ATP6V0E1: variants seen among roughly 807,000 people sequenced by gnomAD.
The protein encoded by ATP6V0E1 is V-type proton ATPase subunit e 1.
Under a neutral mutation model 11.6 loss-of-function variants are expected in ATP6V0E1, and 4 were observed. The observed-to-expected ratio is 0.35, with a 90% CI of 0.17 to 0.79. The LOEUF (loss-of-function observed/expected upper bound fraction) is 0.79. Among genes scored for constraint, ATP6V0E1 ranks in the 30% least tolerant of loss-of-function variants. The pLI, the probability that ATP6V0E1 is intolerant of heterozygous loss-of-function variation, is 0.54. For missense variants in ATP6V0E1, 105 were observed against 100.0 expected (o/e 1.05, Z -0.21); for synonymous variants, 36 against 34.8 (o/e 1.04, Z -0.13).
chr5:173,002,058 C>T (rs1381170954), intron 2 of ATP6V0E1, among the ~76,000 whole-genome samples: 1 of 152,150 alleles, frequency 6.6e-6, no homozygotes, highest in Non-Finnish European at 1.5e-5. Context: ...CATTTGCTTA[C>T]CACCCACCTT....
rs576379575 is a variant in ATP6V0E1 at position 173,007,302 on chromosome 5, G to A, written c.152+12480G>A. On this transcript the variant is annotated intron_variant, in intron 2 of 3. Transcript: ENST00000519374. ...GTTTATGACTTCTAATCTGAAGCTTGGCCTCCTCTTCCAAGCTCTCGTGGC... is the reference window on the plus strand; with the variant it reads ...GTTTATGACTTCTAATCTGAAGCTTAGCCTCCTCTTCCAAGCTCTCGTGGC... Among the ~76,000 whole-genome samples the A allele has an allele frequency of 2.6e-5, 4 of 152,234 alleles. No homozygotes were observed. In the South Asian group the frequency reaches 8.3e-4, roughly 32 times the overall value.
intron 2 of ATP6V0E1, among the ~76,000 whole-genome samples, chr5:173,018,935 T>G (rs1756441088): frequency 6.6e-6 from 1 of 152,150 alleles, no homozygotes; most frequent in Non-Finnish European, 1.5e-5. Context: ...TAAGAAAATT[T>G]TAAAGATAAA....
chr5:172,994,620 C>G (rs60940868), intron 1 of ATP6V0E1, among the ~76,000 whole-genome samples, 155 bp from the exon 2 acceptor site: 5 of 152,062 alleles, frequency 3.3e-5, no homozygotes, highest in South Asian at 4.1e-4. Context: ...CTGGGCACAC[C>G]GCAGTTTGCT....
At chr5:173,012,566 A>T (rs1210169402) in intron 2 of ATP6V0E1, among the ~76,000 whole-genome samples, 1 of 151,804 alleles carries the variant, frequency 6.6e-6, no homozygotes, top group Non-Finnish European at 1.5e-5. Context: ...CAGCCTGACC[A>T]ATACGCAGAA....
intron 2 of ATP6V0E1, among the ~76,000 whole-genome samples, chr5:173,000,756 A>G (rs1289185542): frequency 6.7e-6 from 1 of 148,566 alleles, no homozygotes; most frequent in African/African-American, 2.5e-5. Context: ...GCTGGAGTGC[A>G]GTGGCGAGAT....
intron 2 of ATP6V0E1, among the ~76,000 whole-genome samples, chr5:173,018,611 C>T (rs541602684): frequency 2.6e-5 from 4 of 151,920 alleles, no homozygotes; most frequent in Admixed American, 2.0e-4. Context: ...CGAAATAATG[C>T]CCCGTCAAGC....
intron 2 of ATP6V0E1, among the ~76,000 whole-genome samples, chr5:172,995,535 T>C (rs1201283184): frequency 6.6e-6 from 1 of 152,264 alleles, no homozygotes; most frequent in Non-Finnish European, 1.5e-5. Context: ...CCAAGTAGAC[T>C]AAGGATAATT....
rs1487664185 is a variant in ATP6V0E1, at chr5:173,034,404, G to A, written c.*42G>A. On this transcript the variant is annotated 3_prime_UTR_variant, in exon 4 of 4. Coordinates refer to ENST00000519374, the MANE Select transcript of ATP6V0E1 (RefSeq NM_003945.4). ...AGAATGGTTTTGTTTTGCAGGTCAC[G>A]AGAAGAGAATGCCTTCTAGATGCAA... 7.1e-6 allele frequency: 5 copies of A among 702,874 alleles called. No homozygotes were observed. The highest frequency in any genetic ancestry group is 5.2e-5 in the African/African-American group (3 of 57,268). 43.5% of individuals were successfully genotyped at this position (702,874 alleles called of 1,614,324 possible). A position where few individuals can be genotyped will look rare whatever the true frequency, so the allele number is the denominator to read the frequency against.
intron 2 of ATP6V0E1, among the ~76,000 whole-genome samples, chr5:173,015,673 T>A (rs1172759096): frequency 6.6e-6 from 1 of 152,196 alleles, no homozygotes; most frequent in East Asian, 1.9e-4. Flanking sequence ...ATGAGAACTT[T>A]GTGCCCCTTT....
intron 2 of ATP6V0E1, among the ~76,000 whole-genome samples, chr5:172,995,967 T>G (rs1756059202): frequency 6.6e-6 from 1 of 152,184 alleles, no homozygotes; most frequent in Non-Finnish European, 1.5e-5. Context: ...GAAGAGAACT[T>G]TCTAGCTTCC....
intron 3 of ATP6V0E1, among the ~76,000 whole-genome samples, chr5:173,030,329 T>G (rs1756629842): frequency 6.6e-6 from 1 of 152,130 alleles, no homozygotes; most frequent in African/African-American, 2.4e-5. Context: ...TTTAAACAGA[T>G]AAAAATTAAG....
intron 2 of ATP6V0E1, among the ~76,000 whole-genome samples, chr5:173,013,332 T>A (rs1486194306): frequency 6.6e-6 from 1 of 152,032 alleles, no homozygotes; most frequent in Non-Finnish European, 1.5e-5. Flanking sequence ...TCCCAGCACT[T>A]TGGGAGGCCG....
chr5:173,032,773 G>A (rs924856398), intron 3 of ATP6V0E1, among the ~76,000 whole-genome samples: 2 of 152,136 alleles, frequency 1.3e-5, no homozygotes, highest in Non-Finnish European at 2.9e-5. Flanking sequence ...CAAACCATAT[G>A]TATTCACTAC....
At chr5:173,019,246 C>G (rs1340119044) in intron 2 of ATP6V0E1, among the ~76,000 whole-genome samples, 1 of 152,200 alleles carries the variant, frequency 6.6e-6, no homozygotes, top group Non-Finnish European at 1.5e-5. Flanking sequence ...CCGCACCCAA[C>G]CTGTTTTTCA....
intron 2 of ATP6V0E1, among the ~76,000 whole-genome samples, chr5:173,019,604 T>G (rs1756451181): frequency 6.6e-6 from 1 of 152,160 alleles, no homozygotes; most frequent in African/African-American, 2.4e-5. Flanking sequence ...ACTTCCTTTA[T>G]AGTTTAGTCT....
intron 2 of ATP6V0E1, among the ~76,000 whole-genome samples, chr5:173,009,679 TCTCC>T (rs1022681382): frequency 4.6e-5 from 7 of 151,102 alleles, no homozygotes; most frequent in Non-Finnish European, 8.8e-5. Context: ...GCCAAGCTGG[TCTCC>T]CAACTCCTGA....
intron 3 of ATP6V0E1, among the ~76,000 whole-genome samples, chr5:173,027,517 T>C (rs961670890): frequency 1.3e-5 from 2 of 151,074 alleles, no homozygotes; most frequent in Admixed American, 6.6e-5. Context: ...AAAAAAATAG[T>C]GTATGAGTTT....
intron 1 of ATP6V0E1, among the ~76,000 whole-genome samples, chr5:172,990,793 C>T (rs1755967117): frequency 6.6e-6 from 1 of 150,926 alleles, no homozygotes; most frequent in Admixed American, 6.6e-5. Context: ...CGCCACTGCA[C>T]TCCAGCCTGG....
At chr5:173,018,615 G>A (rs561681851) in intron 2 of ATP6V0E1, among the ~76,000 whole-genome samples, 29 of 151,716 alleles carry the variant, frequency 1.9e-4, no homozygotes, top group Middle Eastern at 6.8e-3. Context: ...ATAATGCCCC[G>A]TCAAGCCACT....
Sources: allele counts gnomAD v4.1 joint callset (sites outside exome capture counted in the v4.1 genomes callset), GRCh38; gene constraint gnomAD v4.1.1; transcripts MANE v1.5; gene names NCBI Gene and HGNC (gene_info 2026-07-23, HGNC 2026-07-21).